The following JADE3 variants were observed in gnomAD, a reference collection of about 807,000 sequenced individuals.
JADE3 encodes protein Jade-3.
Under a neutral mutation model 50.1 loss-of-function variants are expected in JADE3, and 2 were observed. That is an observed-to-expected ratio of 0.04 (90% confidence interval 0.02 to 0.13). The LOEUF (loss-of-function observed/expected upper bound fraction) is 0.13, where lower values mean the gene tolerates loss of function less well. Ranked by LOEUF, JADE3 falls within the 10% of genes least tolerant of loss-of-function variation. The pLI is 1.00. For missense variants in JADE3, 475 were observed against 634.4 expected (o/e 0.75, Z 2.70); for synonymous variants, 218 against 232.9 (o/e 0.94, Z 0.58).
intron 1 of JADE3, among the ~76,000 whole-genome samples, chrX:46,957,224 GA>G (rs1927150185): frequency 9.8e-6 from 1 of 102,252 alleles, no homozygotes; most frequent in Admixed American, 1.0e-4. Flanking sequence ...TAGATAGATA[GA>G]TAGATAGATA....
intron 1 of JADE3, among the ~76,000 whole-genome samples, chrX:46,960,364 AG>A (rs782484930): frequency 1.8e-5 from 2 of 112,156 alleles, no homozygotes; most frequent in Admixed American, 1.9e-4. Context: ...AGAACGGATA[AG>A]GGTGGCTCAT....
intron 3 of JADE3, among the ~76,000 whole-genome samples, chrX:46,995,839 T>G (rs1448035276): frequency 8.9e-6 from 1 of 111,736 alleles, no homozygotes; most frequent in East Asian, 2.8e-4. Flanking sequence ...GTAAAAATGC[T>G]TCTCTAGAAA....
intron 1 of JADE3, among the ~76,000 whole-genome samples, chrX:46,980,798 G>T (rs1927731043): frequency 4.5e-5 from 5 of 111,407 alleles, no homozygotes; most frequent in African/African-American, 1.6e-4. Flanking sequence ...GGTAGGCAGA[G>T]ATGTCCGTGT....
intron 4 of JADE3, among the ~76,000 whole-genome samples, chrX:46,998,938 C>G (rs1230365179): frequency 2.7e-5 from 3 of 110,989 alleles, no homozygotes; most frequent in African/African-American, 9.9e-5. Flanking sequence ...ACTTCATGAT[C>G]TGCCCACCTT....
intron 1 of JADE3, among the ~76,000 whole-genome samples, chrX:46,957,680 C>T (rs1389579571): frequency 8.9e-6 from 1 of 112,117 alleles, no homozygotes; most frequent in African/African-American, 3.2e-5. Flanking sequence ...ATGTAGCATA[C>T]GGAATAAACA....
chrX:46,994,691 C>T (rs1602399847), intron 3 of JADE3, among the ~76,000 whole-genome samples: 1 of 112,026 alleles, frequency 8.9e-6, no homozygotes, highest in Admixed American at 9.5e-5. Flanking sequence ...GAGCTGTGAA[C>T]TCATATCTCT....
At chrX:47,054,053 C>T (rs1929577112) in intron 8 of JADE3, 105 bp from the exon 9 acceptor site, 5 of 511,703 alleles carry the variant, frequency 9.8e-6, no homozygotes, top group Admixed American at 4.0e-5. Context: ...AACTTTCTCC[C>T]GGTCTTTCTT....
At chrX:46,919,388 C>T (rs1926172744) in intron 1 of JADE3, among the ~76,000 whole-genome samples, 2 of 112,304 alleles carry the variant, frequency 1.8e-5, no homozygotes, top group Non-Finnish European at 3.8e-5. Context: ...GCAGTCTTTC[C>T]TTGGAACCTT....
At chrX:46,920,182 G>A (rs182903883) in intron 1 of JADE3, among the ~76,000 whole-genome samples, 2 of 111,857 alleles carry the variant, frequency 1.8e-5, no homozygotes, top group Admixed American at 1.9e-4. Flanking sequence ...AAATTCCATA[G>A]ACTCCTATCC....
At chrX:47,029,602 G>T (rs1030725690) in intron 6 of JADE3, among the ~76,000 whole-genome samples, 1 of 112,003 alleles carries the variant, frequency 8.9e-6, no homozygotes, top group Non-Finnish European at 1.9e-5. Context: ...AGAAACCAGG[G>T]CTTAAGATTA....
intron 10 of JADE3, 134 bp from the exon 11 acceptor site, chrX:47,058,033 A>G: frequency 3.8e-6 from 2 of 528,445 alleles, no homozygotes; most frequent in Non-Finnish European, 6.2e-6. Flanking sequence ...CTGCTACACC[A>G]TGATATACAT....
rs371255621 is a variant in JADE3 at position 46,976,667 on chromosome X, TCA to T, written c.-11-8214_-11-8213del. 4.7e-3 allele frequency among the ~76,000 whole-genome samples: 522 copies of T among 112,150 alleles called. 2 individuals are homozygous for T. The highest frequency in any genetic ancestry group is 0.016 in the African/African-American group (502 of 30,920). ...ACCAAGTGTAAGACATCGAGATATA[TCA>T]CAGTTACTCCAGGATTACACTATAC... On this transcript the variant is annotated intron_variant, in intron 1 of 10. Coordinates refer to ENST00000614628, the MANE Select transcript of JADE3 (RefSeq NM_014735.5).
At chrX:47,006,964 CT>C (rs1170019519) in intron 4 of JADE3, among the ~76,000 whole-genome samples, 54 of 102,413 alleles carry the variant, frequency 5.3e-4, no homozygotes, top group East Asian at 9.1e-4. Flanking sequence ...TTCTAGTTTT[CT>C]TTTTTTTTTT....
intron 1 of JADE3, among the ~76,000 whole-genome samples, chrX:46,954,751 C>T (rs868980961): frequency 9.0e-6 from 1 of 111,182 alleles, no homozygotes; most frequent in Non-Finnish European, 1.9e-5. Context: ...GACAAAGTTT[C>T]GCCATGTTGG....
chrX:46,975,714 CTTTT>C (rs782578317), intron 1 of JADE3, among the ~76,000 whole-genome samples: 11 of 40,513 alleles, frequency 2.7e-4, no homozygotes, highest in Admixed American at 9.2e-4. Flanking sequence ...TTTTCTTTTT[CTTTT>C]TTTTTTTTTT....
chrX:46,943,745 C>T, intron 1 of JADE3, among the ~76,000 whole-genome samples: 1 of 111,570 alleles, frequency 9.0e-6, no homozygotes, highest in South Asian at 3.7e-4. Context: ...AGGGAGGAGC[C>T]CCTCCTCCTC....
At chrX:47,033,093 TC>T (rs1280356527) in intron 6 of JADE3, among the ~76,000 whole-genome samples, 2 of 112,203 alleles carry the variant, frequency 1.8e-5, no homozygotes, top group Admixed American at 1.9e-4. Flanking sequence ...AGTCCCTGTT[TC>T]TTCAACCCAA....
At chrX:47,046,165 A>G (rs1929369416) in intron 8 of JADE3, among the ~76,000 whole-genome samples, 1 of 111,651 alleles carries the variant, frequency 9.0e-6, no homozygotes, top group Admixed American at 9.6e-5. Context: ...AGAAACCCCA[A>G]ATAAATAAAA....
intron 4 of JADE3, among the ~76,000 whole-genome samples, chrX:47,011,065 C>T (rs1433258289): frequency 9.0e-6 from 1 of 111,257 alleles, no homozygotes; most frequent in Admixed American, 9.6e-5. Context: ...TCCTTATGAC[C>T]TCTCATAACC....
Sources: gnomAD v4.1 joint callset for allele counts (sites outside exome capture counted in the v4.1 genomes callset) on GRCh38, gnomAD v4.1.1 for gene constraint, MANE v1.5 for transcripts, NCBI Gene and HGNC (gene_info 2026-07-23, HGNC 2026-07-21) for gene names.